Variants in CHST9 observed in about 807,000 individuals in gnomAD.
CHST9 encodes the protein GalNAc-4-sulfotransferase 2.
In CHST9, 41 loss-of-function variants were observed where a neutral mutation model predicts 44.4. The observed-to-expected ratio is 0.92, with a 90% CI of 0.72 to 1.20. The LOEUF (loss-of-function observed/expected upper bound fraction) is 1.20, where lower values mean the gene tolerates loss of function less well. CHST9 is among the 50% of genes most tolerant of loss of function. CHST9 has a pLI of 0.00. For missense variants in CHST9, 504 were observed against 516.5 expected (o/e 0.98, Z 0.23); for synonymous variants, 171 against 178.4 (o/e 0.96, Z 0.33).
chr18:27,132,571 A>G (rs1461472963), intron 2 of CHST9, among the ~76,000 whole-genome samples: 2 of 152,192 alleles, frequency 1.3e-5, no homozygotes, highest in Non-Finnish European at 2.9e-5. Context: ...GTCGTAGGGC[A>G]CAGGAGTGAA....
chr18:26,939,664 G>A (rs934293294), intron 5 of CHST9, among the ~76,000 whole-genome samples: 1 of 152,128 alleles, frequency 6.6e-6, no homozygotes, highest in Non-Finnish European at 1.5e-5. Flanking sequence ...GGACTAGGAG[G>A]CTTAAGAAGC....
Position 27,045,385 on chromosome 18 carries a change from C to G in CHST9, c.160+3080G>C, listed in dbSNP as rs116335038. On this transcript the variant is annotated intron_variant, in intron 3 of 5. Transcript: ENST00000618847. ...TTTGCACTTTATGCTGTGTTGCTTT[C>G]TAATATCGAGAATTCCATGGCCCAC... is the stretch of plus-strand genomic sequence containing the variant. Among the ~76,000 whole-genome samples the G allele has an allele frequency of 9.2e-3, 1,402 of 152,066 alleles. 18 individuals are homozygous for G. The highest frequency in any genetic ancestry group is 0.032 in the African/African-American group (1,342 of 41,498).
intron 4 of CHST9, among the ~76,000 whole-genome samples, chr18:26,947,809 T>C (rs147796642): frequency 0.058 from 8,832 of 152,208 alleles, 394 homozygotes; most frequent in South Asian, 0.13. Context: ...GGACTGTAAA[T>C]TAGTTCAACC....
intron 4 of CHST9, among the ~76,000 whole-genome samples, chr18:26,972,357 CAAAAAAAAAA>C (rs887066938): frequency 3.1e-5 from 2 of 65,244 alleles, no homozygotes; most frequent in African/African-American, 1.1e-4. Flanking sequence ...ACTCCAACTC[CAAAAAAAAAA>C]AAAAAAAAAA....
chr18:27,141,591 C>CAAAAAAAAAAA (rs34920055), intron 2 of CHST9, among the ~76,000 whole-genome samples: 2 of 50,100 alleles, frequency 4.0e-5, no homozygotes, highest in African/African-American at 1.8e-4. Context: ...AATCCCGACT[C>CAAAAAAAAAAA]AAAAAAAAAA....
chr18:27,014,954 C>G (rs1765924249), intron 4 of CHST9, among the ~76,000 whole-genome samples: 1 of 152,026 alleles, frequency 6.6e-6, no homozygotes, highest in Admixed American at 6.6e-5. Context: ...GTGGGGGTCA[C>G]CAAGGACTCT....
intron 1 of CHST9, among the ~76,000 whole-genome samples, chr18:27,165,471 T>C (rs898666166): frequency 6.6e-6 from 1 of 152,174 alleles, no homozygotes; most frequent in Non-Finnish European, 1.5e-5. Flanking sequence ...GAAGGAACAA[T>C]GACTAAATCC....
intron 4 of CHST9, among the ~76,000 whole-genome samples, chr18:27,001,607 C>T (rs971434164): frequency 6.9e-6 from 1 of 144,790 alleles, no homozygotes; most frequent in African/African-American, 2.5e-5. Context: ...CTTCATGGGG[C>T]TTGGAGTAAA....
chr18:27,157,061 C>T (rs2058703123), intron 1 of CHST9, among the ~76,000 whole-genome samples: 1 of 151,906 alleles, frequency 6.6e-6, no homozygotes. Flanking sequence ...TCTGAATTCC[C>T]CCTTCTGCTC....
chr18:27,089,810 CT>C (rs56057285), intron 2 of CHST9, among the ~76,000 whole-genome samples: 40 of 124,694 alleles, frequency 3.2e-4, no homozygotes, highest in Admixed American at 4.3e-4. Flanking sequence ...TGTTTCCTGA[CT>C]TTTTTTTTTT....
At chr18:27,044,450 C>T (rs778485958) in intron 3 of CHST9, among the ~76,000 whole-genome samples, 3 of 151,966 alleles carry the variant, frequency 2.0e-5, no homozygotes, top group Admixed American at 2.0e-4. Flanking sequence ...GGATGATAAG[C>T]ATTTTAAGCT....
intron 5 of CHST9, among the ~76,000 whole-genome samples, chr18:26,941,758 T>C (rs1209475650): frequency 6.6e-6 from 1 of 152,220 alleles, no homozygotes; most frequent in Non-Finnish European, 1.5e-5. Flanking sequence ...TTAAAAAGCA[T>C]ACTAATTTCC....
At chr18:27,166,140 C>A (rs1263211957) in intron 1 of CHST9, among the ~76,000 whole-genome samples, 20 of 152,142 alleles carry the variant, frequency 1.3e-4, no homozygotes, top group Admixed American at 1.3e-3. Flanking sequence ...CAAAAAATGA[C>A]CTAATTTCTC....
rs745880439 is a variant in CHST9 at position 26,910,307 on chromosome 18, A to C, written c.*5952T>G. ...AGCAGCACTGTGAGCAAGGATATGG[A>C]AACCCGGAATGGGATAACCTCACTA... On this transcript the variant is annotated 3_prime_UTR_variant, in exon 6 of 6. Coordinates refer to ENST00000618847, the MANE Select transcript of CHST9 (RefSeq NM_031422.6). The C allele has an allele frequency of 7.2e-5, 7 of 97,730 alleles. No homozygotes were observed. Among genetic ancestry groups the C allele is most frequent in the Non-Finnish European group, 1.4e-4 (7 of 49,372 alleles). 6.1% of individuals were successfully genotyped at this position (97,730 alleles called of 1,614,324 possible).
intron 4 of CHST9, among the ~76,000 whole-genome samples, chr18:27,007,398 G>A (rs2057029485): frequency 6.6e-6 from 1 of 152,204 alleles, no homozygotes; most frequent in African/African-American, 2.4e-5. Flanking sequence ...TGAACTGAGA[G>A]ATTTTGGAAG....
intron 3 of CHST9, among the ~76,000 whole-genome samples, chr18:27,043,834 G>A (rs1306547288): frequency 6.6e-6 from 1 of 152,026 alleles, no homozygotes; most frequent in Non-Finnish European, 1.5e-5. Context: ...CCATGGAACG[G>A]CATAGATGGT....
At chr18:26,966,421 G>C (rs1433873336) in intron 4 of CHST9, among the ~76,000 whole-genome samples, 4 of 152,184 alleles carry the variant, frequency 2.6e-5, no homozygotes, top group Non-Finnish European at 5.9e-5. Context: ...TAAGTTGCAA[G>C]AATAATAATC....
chr18:27,121,343 G>A (rs1484044057), intron 2 of CHST9, among the ~76,000 whole-genome samples: 2 of 151,938 alleles, frequency 1.3e-5, no homozygotes. Flanking sequence ...TGCCTGTTTT[G>A]GTGTACCACA....
At chr18:27,135,063 T>A (rs1193420980) in intron 2 of CHST9, among the ~76,000 whole-genome samples, 1 of 152,116 alleles carries the variant, frequency 6.6e-6, no homozygotes, top group Non-Finnish European at 1.5e-5. Context: ...CACAAAAAAA[T>A]TAGTATGTGA....
Sources: allele counts gnomAD v4.1 joint callset (sites outside exome capture counted in the v4.1 genomes callset), GRCh38; gene constraint gnomAD v4.1.1; transcripts MANE v1.5; gene names NCBI Gene and HGNC (gene_info 2026-07-23, HGNC 2026-07-21).